Variants in ATXN2 observed in about 807,000 individuals in gnomAD.
The protein encoded by ATXN2 is ataxin-2.
A neutral mutation model predicts 138.6 loss-of-function variants in ATXN2; 37 were observed. The ratio of observed to expected loss-of-function variants is 0.27; its 90% confidence interval spans 0.21 to 0.35. The LOEUF is 0.35. Ranked by LOEUF, ATXN2 falls within the 10% of genes least tolerant of loss-of-function variation. ATXN2 has a pLI of 1.00. For synonymous variants in ATXN2, 549 were observed against 543.7 expected, an observed-to-expected ratio of 1.01 and a Z score of -0.13; for missense variants, 1,216 against 1,480.3, an observed-to-expected ratio of 0.82 and a Z score of 2.93.
chr12:111,595,175 C>T (rs1884873378), intron 1 of ATXN2, among the ~76,000 whole-genome samples: 1 of 152,012 alleles, frequency 6.6e-6, no homozygotes, highest in Admixed American at 6.6e-5. Flanking sequence ...AATAGAGCAC[C>T]GCTAGCAAGA....
chr12:111,516,962 G>T lies in ATXN2; in HGVS notation c.1166-599C>A, dbSNP rs925911504. Among the ~76,000 whole-genome samples the T allele has an allele frequency of 2.0e-5, 3 of 152,072 alleles. No homozygotes were observed. Among genetic ancestry groups the T allele is most frequent in the African/African-American group, 7.2e-5 (3 of 41,408 alleles). ...TACTCTTCTAGAGTTTGTGACTCCT[G>T]TGAGTATCAAATGATAATATTCATT... On this transcript the variant is annotated intron_variant, in intron 9 of 24. Transcript: ENST00000673436. The surrounding 1 kb of genome is among the most constrained non-coding windows in gnomAD (Gnocchi z 5.0).
At chr12:111,457,103 C>T (rs1007763720) in intron 22 of ATXN2, 111 bp downstream of exon 22, 186 of 1,327,632 alleles carry the variant, frequency 1.4e-4, no homozygotes, top group Admixed American at 4.7e-4. Context: ...TCCATCTTCA[C>T]GAGGGTGGAC....
rs761688518 is a variant in ATXN2 at position 111,470,681 on chromosome 12, C to T, written c.2586G>A (p.Ala862=). Residue 862 remains alanine (A), a synonymous_variant, in exon 19 of 25, where the codon GCG becomes GCA. Transcript: ENST00000673436. ...QHHQSAMMHP[A]SAAGPPIAAT... ...CTGCAATCGGTGGGCCCGCTGCTGA[C>T]GCTGGGTGCATCATGGCACTCTGAT... 15 of 1,613,928 alleles carry T rather than the reference C, an allele frequency of 9.3e-6. No homozygotes were observed. Among genetic ancestry groups the T allele is most frequent in the Admixed American group, 8.3e-5 (5 of 59,976 alleles).
Position 111,454,023 on chromosome 12 carries a change from T to TCA in ATXN2, c.3271-180_3271-179dup. ...TTATCTATTGACCTGAAGACGCGCT[T>TCA]CACCTTTGGGCAGATCCTGCAAGGG... is the stretch of plus-strand genomic sequence containing the variant. On this transcript the variant is annotated intron_variant, in intron 23 of 24. Coordinates refer to ENST00000673436, the MANE Select transcript of ATXN2 (RefSeq NM_001372574.1). 9.5e-6 allele frequency: 6 copies of TCA among 630,420 alleles called. No individual in the cohort carries two copies. In the South Asian group the frequency reaches 1.3e-4, roughly 14 times the overall value. 39.1% of individuals were successfully genotyped at this position (630,420 alleles called of 1,614,324 possible).
chr12:111,530,880 C>G (rs1465853763), intron 5 of ATXN2, among the ~76,000 whole-genome samples: 1 of 152,170 alleles, frequency 6.6e-6, no homozygotes, highest in Admixed American at 6.5e-5. Flanking sequence ...AATCCCATCA[C>G]TTTGGGAGGC....
rs530200980 is a variant in ATXN2, at chr12:111,520,959, A to G, written c.711T>C (p.Asp237=). The change falls in exon 7 of 25, where the codon GAT becomes GAC. Residue 237 remains aspartate (D), a synonymous_variant. Transcript: ENST00000673436. Reference sequence around the variant, plus strand: ...CATTATATCGAAACATATCATTGGGATCCCATCCATTAGACTAGAAGAAAA... The same window carrying G: ...CATTATATCGAAACATATCATTGGGGTCCCATCCATTAGACTAGAAGAAAA... ...ALENDVSNGW[D]PNDMFRYNEE... 1.9e-6 allele frequency: 3 copies of G among 1,585,816 alleles called. No individual in the cohort carries two copies. In the African/African-American group the frequency reaches 4.0e-5, roughly 21 times the overall value.
intron 14 of ATXN2, among the ~76,000 whole-genome samples, chr12:111,496,428 C>G (rs1191305788): frequency 6.6e-6 from 1 of 151,876 alleles, no homozygotes; most frequent in Non-Finnish European, 1.5e-5. Flanking sequence ...CCCAGCTACT[C>G]AGGAGGCTGA....
chr12:111,494,635 A>G (rs990650509), intron 14 of ATXN2, among the ~76,000 whole-genome samples: 7 of 151,898 alleles, frequency 4.6e-5, no homozygotes, highest in Non-Finnish European at 8.8e-5. Flanking sequence ...CATGTTAGCC[A>G]GGCTGGTCTC....
Position 111,552,168 on chromosome 12 carries a change from G to T in ATXN2, c.571+112C>A, listed in dbSNP as rs952470144. On this transcript the variant is annotated intron_variant, in intron 5 of 24. Transcript: ENST00000673436. The surrounding 1 kb of genome is among the most constrained non-coding windows in gnomAD (Gnocchi z 4.1). The stretch of plus-strand genomic sequence containing the variant: ...AGTGCTAAGATTACAGGAATGAGCC[G>T]CCATACCCAGCCCAGATATTTCTTT... 2.6e-6 allele frequency: 3 copies of T among 1,167,426 alleles called. No individual in the cohort carries two copies. The highest frequency in any genetic ancestry group is 1.6e-5 in the African/African-American group (1 of 62,172). The allele number at this position is 1,167,426 out of a possible 1,614,324, so 72.3% of individuals were successfully genotyped here.
intron 1 of ATXN2, among the ~76,000 whole-genome samples, chr12:111,593,615 A>T (rs1021627401): frequency 7.9e-5 from 12 of 151,938 alleles, no homozygotes; most frequent in African/African-American, 2.7e-4. Context: ...TCTCTTAAAA[A>T]AAAAAAAAGA....
chr12:111,562,720 CAAAAAAA>C (rs34625134), intron 1 of ATXN2, among the ~76,000 whole-genome samples: 16 of 55,990 alleles, frequency 2.9e-4, no homozygotes, highest in East Asian at 2.5e-3. Context: ...AACTCCATCT[CAAAAAAA>C]AAAAAAAAAA....
chr12:111,531,145 T>C (rs980056317), intron 5 of ATXN2, among the ~76,000 whole-genome samples: 2 of 152,154 alleles, frequency 1.3e-5, no homozygotes, highest in African/African-American at 4.8e-5. Context: ...CTGGGCACAG[T>C]GGCTCACATC....
intron 1 of ATXN2, among the ~76,000 whole-genome samples, chr12:111,589,627 C>A (rs1884544961): frequency 6.6e-6 from 1 of 151,794 alleles, no homozygotes; most frequent in Non-Finnish European, 1.5e-5. Flanking sequence ...CAAAAATTAG[C>A]CAGGTGTAGT....
At chr12:111,467,307 CTTTTTTTTTTTTTTTTTTT>C (rs61507608) in intron 20 of ATXN2, among the ~76,000 whole-genome samples, 7 of 34,846 alleles carry the variant, frequency 2.0e-4, no homozygotes, top group African/African-American at 1.1e-3. Flanking sequence ...CATGACTGGG[CTTTTTTTTTTTTTTTTTTT>C]TTTTTTTTTT....
intron 1 of ATXN2, among the ~76,000 whole-genome samples, chr12:111,580,271 AG>A (rs1159699128): frequency 6.6e-6 from 1 of 152,032 alleles, no homozygotes; most frequent in Non-Finnish European, 1.5e-5. Context: ...ACTTGAGCCC[AG>A]GAGTTTGACA....
intron 5 of ATXN2, among the ~76,000 whole-genome samples, chr12:111,549,421 A>C (rs1490700452): frequency 6.6e-6 from 1 of 152,020 alleles, no homozygotes. Flanking sequence ...CTATAATCCC[A>C]GCTACTCGGG....
At chr12:111,580,273 G>T (rs1883921024) in intron 1 of ATXN2, among the ~76,000 whole-genome samples, 1 of 151,886 alleles carries the variant, frequency 6.6e-6, no homozygotes, top group African/African-American at 2.4e-5. Flanking sequence ...TTGAGCCCAG[G>T]AGTTTGACAC....
At chr12:111,542,752 G>A (rs969581792) in intron 5 of ATXN2, among the ~76,000 whole-genome samples, 3 of 152,156 alleles carry the variant, frequency 2.0e-5, no homozygotes, top group Non-Finnish European at 4.4e-5. Flanking sequence ...ATGAGCCACT[G>A]CACCTGGCCT....
intron 1 of ATXN2, among the ~76,000 whole-genome samples, chr12:111,566,574 T>C (rs1039540181): frequency 4.6e-5 from 7 of 151,880 alleles, no homozygotes; most frequent in Non-Finnish European, 5.9e-5. Context: ...GAGAATGCCA[T>C]CCATGAGCAT....
Sources: gnomAD v4.1 joint callset for allele counts (sites outside exome capture counted in the v4.1 genomes callset) on GRCh38, gnomAD v4.1.1 for gene constraint, Gnocchi (gnomAD v3.1) non-coding constraint, MANE v1.5 for transcripts, NCBI Gene and HGNC (gene_info 2026-07-23, HGNC 2026-07-21) for gene names.